The following COL20A1 variants were observed in gnomAD, a reference collection of about 807,000 sequenced individuals.
COL20A1 encodes the protein collagen alpha-1(XX) chain.
COL20A1 carries 164 observed loss-of-function variants against 152.9 expected under a neutral mutation model. The ratio of observed to expected loss-of-function variants is 1.07; its 90% CI spans 0.94 to 1.22. The LOEUF (loss-of-function observed/expected upper bound fraction) is 1.22, where lower values mean the gene tolerates loss of function less well. Ranked by LOEUF, COL20A1 falls within the 50% of genes most tolerant of loss-of-function variation. COL20A1 has a pLI of 0.00. For missense variants in COL20A1, 1,873 were observed against 1,744.8 expected (o/e 1.07, Z -1.31); for synonymous variants, 864 against 756.0 (o/e 1.14, Z -2.34).
Position 63,305,817 on chromosome 20 carries a change from G to GC in COL20A1, c.338-63dup. 1 of 1,524,824 alleles carries GC rather than the reference G, an allele frequency of 6.6e-7. No individual in the cohort carries two copies. Among genetic ancestry groups the GC allele is most frequent in the South Asian group, 1.1e-5 (1 of 88,720 alleles). The allele number at this position is 1,524,824 out of a possible 1,614,324, so 94.5% of individuals were successfully genotyped here. On this transcript the variant is annotated intron_variant, in intron 4 of 35. Transcript: ENST00000358894. The surrounding 1 kb of genome is among the most constrained non-coding windows in gnomAD (Gnocchi z 4.9). ...GATGCGCCCTTGAAGGGGTGTATGT[G>GC]CAGCTGCCCCAGTGGACCAGGCCCT...
At chr20:63,300,903 T>C (rs1162621234) in intron 3 of COL20A1, among the ~76,000 whole-genome samples, 1 of 152,244 alleles carries the variant, frequency 6.6e-6, no homozygotes, top group Admixed American at 6.5e-5. Flanking sequence ...CATAGGCTAC[T>C]TAGAAGTGTG....
At chr20:63,315,819 A>C (rs1318837701) in intron 20 of COL20A1, among the ~76,000 whole-genome samples, 1 of 152,018 alleles carries the variant, frequency 6.6e-6, no homozygotes, top group Non-Finnish European at 1.5e-5. Flanking sequence ...TGAGAGGTGG[A>C]GATGGTGGGA....
rs569198099 is a variant in COL20A1 at position 63,299,935 on chromosome 20, G to A, written c.193+1915G>A. ...ATATATGTATACCTTAAGAGACAGG[G>A]TCTCACTCTGTCACCCGGGCTGGAG... is the stretch of plus-strand genomic sequence containing the variant. On this transcript the variant is annotated intron_variant, in intron 3 of 35. Coordinates refer to ENST00000358894, the MANE Select transcript of COL20A1 (RefSeq NM_020882.4). Among the ~76,000 whole-genome samples the A allele has an allele frequency of 3.4e-3, 510 of 151,422 alleles. 1 individual carries two copies. The highest frequency in any genetic ancestry group is 0.012 in the African/African-American group (485 of 41,194).
At chr20:63,325,381 C>T in intron 27 of COL20A1, 60 bp from the exon 28 acceptor site, 1 of 1,321,402 alleles carries the variant, frequency 7.6e-7, no homozygotes. Context: ...GTCACTCCTT[C>T]CCTGCCCTCC....
At chr20:63,330,581 A>G (rs1168503007) in intron 35 of COL20A1, 139 bp from the exon 36 acceptor site, 2 of 152,208 alleles carry the variant, frequency 1.3e-5, no homozygotes, top group Non-Finnish European at 2.9e-5. Flanking sequence ...GGCTCTGCCC[A>G]CTCACGGCCC....
Position 63,328,416 on chromosome 20 carries a change from G to A in COL20A1, c.3699G>A (p.Glu1233=). ...AGCAGAAGCTGGAGCCGGGCACTGA[G>A]CCCCTGGGGTCCCCTGGCACCCGCA... The part of the protein sequence containing the change: ...ILEQKLEPGT[E]PLGSPGTRSK... Residue 1233 remains glutamate, a synonymous_variant, in exon 34 of 36, where the codon GAG becomes GAA. Coordinates refer to ENST00000358894, the MANE Select transcript of COL20A1 (RefSeq NM_020882.4). 1 of 1,612,532 alleles carries A rather than the reference G, an allele frequency of 6.2e-7. No individual in the cohort carries two copies. The highest frequency in any genetic ancestry group is 8.5e-7 in the Non-Finnish European group (1 of 1,179,636).
chr20:63,314,173 T>C lies in COL20A1; in HGVS notation c.2460T>C (p.Ser820=). Residue 820 remains serine, a synonymous_variant, in exon 19 of 36, where the codon AGT becomes AGC. Coordinates refer to ENST00000358894, the MANE Select transcript of COL20A1 (RefSeq NM_020882.4). The part of the protein sequence containing the change: ...LVSAIYAAGR[S]EAVSATGQTA... ...CAGCTATCTATGCAGCAGGCAGGAG[T>C]GAGGCTGTGTCTGCCACGGGCCAGA... 1 of 1,576,814 alleles carries C rather than the reference T, an allele frequency of 6.3e-7. No homozygotes were observed. Among genetic ancestry groups the C allele is most frequent in the South Asian group, 1.2e-5 (1 of 86,104 alleles).
At chr20:63,317,906 G>C (rs1340863943) in intron 21 of COL20A1, among the ~76,000 whole-genome samples, 1 of 151,996 alleles carries the variant, frequency 6.6e-6, no homozygotes, top group Non-Finnish European at 1.5e-5. Context: ...TCAGGTGCAC[G>C]TACTGAGCTG....
chr20:63,310,265 G>C, intron 10 of COL20A1, 116 bp from the exon 11 acceptor site: 1 of 1,166,032 alleles, frequency 8.6e-7, no homozygotes, highest in Non-Finnish European at 1.2e-6. Context: ...CCTGTGGGAA[G>C]TGGGGCACCC....
intron 3 of COL20A1, among the ~76,000 whole-genome samples, chr20:63,301,872 G>T (rs901748200): frequency 3.3e-5 from 5 of 152,090 alleles, no homozygotes; most frequent in Admixed American, 6.5e-5. Context: ...TTTATTAAAA[G>T]ATTTTTTCCA....
intron 2 of COL20A1, among the ~76,000 whole-genome samples, chr20:63,295,508 C>A (rs2067778112): frequency 6.6e-6 from 1 of 152,270 alleles, no homozygotes; most frequent in East Asian, 1.9e-4. Context: ...AGCCGCCTTC[C>A]CTTCCCTCCT....
chr20:63,316,796 G>A, intron 21 of COL20A1, 105 bp downstream of exon 21: 2 of 1,182,342 alleles, frequency 1.7e-6, no homozygotes, highest in Non-Finnish European at 2.3e-6. Flanking sequence ...CCTCCTGGAG[G>A]CTGTGGGACA....
intron 28 of COL20A1, 66 bp downstream of exon 28, chr20:63,325,560 T>C (rs1274978207): frequency 3.4e-6 from 5 of 1,473,942 alleles, no homozygotes; most frequent in Non-Finnish European, 4.7e-6. Context: ...GGGATGGAGA[T>C]GGGGAGTGCC....
Position 63,311,304 on chromosome 20 carries a change from T to G in COL20A1, c.1394-90T>G. The G allele has an allele frequency of 7.4e-7, 1 of 1,346,202 alleles. No individual in the cohort carries two copies. The highest frequency in any genetic ancestry group is 9.9e-7 in the Non-Finnish European group (1 of 1,007,214). 83.4% of individuals were successfully genotyped at this position (1,346,202 alleles called of 1,614,324 possible). A position where few individuals can be genotyped will look rare whatever the true frequency, so the allele number is the denominator to read the frequency against. ...CTGTGCACCTGCCAGGCGGTGGCCG[T>G]GCCCACCCACTCTGGTGTGAGGGTG... On this transcript the variant is annotated intron_variant, in intron 11 of 35. Coordinates refer to ENST00000358894, the MANE Select transcript of COL20A1 (RefSeq NM_020882.4). The surrounding 1 kb of genome is among the most constrained non-coding windows in gnomAD (Gnocchi z 4.4).
chr20:63,295,382 C>T (rs2067774693), intron 2 of COL20A1, among the ~76,000 whole-genome samples, 193 bp downstream of exon 2: 1 of 152,260 alleles, frequency 6.6e-6, no homozygotes, highest in Non-Finnish European at 1.5e-5. Flanking sequence ...TCAGCCTCGC[C>T]TTGGGAGCAC....
intron 19 of COL20A1, 106 bp downstream of exon 19, chr20:63,314,307 C>T (rs1159080658): frequency 3.0e-6 from 3 of 1,003,420 alleles, no homozygotes; most frequent in African/African-American, 1.6e-5. Context: ...ACCCAGCCAA[C>T]CCCAGACCTA....
chr20:63,325,853 C>T, intron 29 of COL20A1, 132 bp downstream of exon 29: 4 of 857,524 alleles, frequency 4.7e-6, no homozygotes, highest in Admixed American at 4.8e-5. Context: ...TCACCTGCTG[C>T]ACCACCCCCT....
intron 31 of COL20A1, chr20:63,327,400 G>C (rs1053139331): frequency 6.6e-5 from 12 of 180,648 alleles, no homozygotes; most frequent in Non-Finnish European, 1.2e-4. Context: ...ACCCCACCCA[G>C]GACAGACGTG....
At chr20:63,308,275 A>G (rs1042594951) in intron 7 of COL20A1, among the ~76,000 whole-genome samples, 185 bp downstream of exon 7, 3 of 152,210 alleles carry the variant, frequency 2.0e-5, no homozygotes, top group African/African-American at 7.2e-5. Context: ...GCCTGTGTCC[A>G]GCGCGTGGCT....
Sources: gnomAD v4.1 joint callset for allele counts (sites outside exome capture counted in the v4.1 genomes callset) on GRCh38, gnomAD v4.1.1 for gene constraint, Gnocchi (gnomAD v3.1) non-coding constraint, MANE v1.5 for transcripts, NCBI Gene and HGNC (gene_info 2026-07-23, HGNC 2026-07-21) for gene names.